Variants in TENT2 observed in about 807,000 individuals in gnomAD.
TENT2 encodes the protein poly(A) RNA polymerase GLD2.
In TENT2, 44 loss-of-function variants were observed where a neutral mutation model predicts 72.2. The ratio of observed to expected loss-of-function variants is 0.61; its 90% CI spans 0.48 to 0.78. TENT2 has a LOEUF of 0.78. TENT2 is among the 30% of genes least tolerant of loss of function. TENT2 has a pLI of 0.00. For missense variants in TENT2, 541 were observed against 569.6 expected (o/e 0.95, Z 0.51); for synonymous variants, 212 against 192.5 (o/e 1.10, Z -0.84).
chr5:79,633,075 T>C (rs1776837404), intron 4 of TENT2, among the ~76,000 whole-genome samples: 1 of 152,188 alleles, frequency 6.6e-6, no homozygotes, highest in South Asian at 2.1e-4. Context: ...GTTTTAGGCA[T>C]GACATTTTTC....
intron 4 of TENT2, among the ~76,000 whole-genome samples, chr5:79,640,042 A>G (rs1029409872): frequency 1.3e-5 from 2 of 152,074 alleles, no homozygotes; most frequent in Non-Finnish European, 2.9e-5. Flanking sequence ...AGATCACTTG[A>G]GGTCAGGGGT....
At position 79,618,683 on chromosome 5, in the gene TENT2, T is replaced by C. The variant is rs920753665; in HGVS notation, c.-37-929T>C. Among the ~76,000 whole-genome samples, 6 of 152,272 alleles carry C rather than the reference T, an allele frequency of 3.9e-5. No homozygotes were observed. The South Asian group carries it at 6.2e-4, about 16-fold the overall frequency. On this transcript the variant is annotated intron_variant, in intron 1 of 14. Coordinates refer to ENST00000453514, the MANE Select transcript of TENT2 (RefSeq NM_001114394.3). ...CTTCTGGTGATCCATGGATGCCTAT[T>C]TTAAGTGAGAATATCAGGAGTCTAA...
intron 10 of TENT2, among the ~76,000 whole-genome samples, 196 bp downstream of exon 10, chr5:79,649,386 G>GT (rs372101489): frequency 0.18 from 24,524 of 138,110 alleles, 3,246 homozygotes; most frequent in African/African-American, 0.37. Context: ...AAGTTTCACT[G>GT]TTTTTTTTTT....
In TENT2 at chr5:79,670,311, T is replaced by TTTTA. The variant is rs554958818; in HGVS notation, c.1208+1307_1208+1310dup. On this transcript the variant is annotated intron_variant, in intron 12 of 14. Transcript: ENST00000453514. ...TGGAGAAGTATAAAAAGGTAAGAGC[T>TTTTA]TTTATTTATTTATTTATTTATTTAT... is the stretch of plus-strand genomic sequence containing the variant. 9.6e-3 allele frequency among the ~76,000 whole-genome samples: 1,459 copies of TTTTA among 151,880 alleles called. 15 individuals are homozygous for TTTTA. Among genetic ancestry groups the TTTTA allele is most frequent in the African/African-American group, 0.03 (1,263 of 41,416 alleles).
In TENT2 at chr5:79,620,090, A is replaced by G. The variant is rs1462824047; in HGVS notation, c.227+7A>G. The stretch of plus-strand genomic sequence containing the variant: ...CATTATTTCGAGGAAGGAAGTAAGT[A>G]CTTCTTAATTATTTTAAAAGAATAT... On this transcript the variant is annotated splice_region_variant and intron_variant, in intron 3 of 14. Transcript: ENST00000453514. 6.4e-7 allele frequency: 1 copy of G among 1,562,152 alleles called. No homozygotes were observed. The highest frequency in any genetic ancestry group is 8.8e-7 in the Non-Finnish European group (1 of 1,136,520).
chr5:79,637,451 A>G (rs539366891), intron 4 of TENT2, among the ~76,000 whole-genome samples: 315 of 152,010 alleles, frequency 2.1e-3, no homozygotes, highest in Non-Finnish European at 2.4e-3. Flanking sequence ...TTTTGAGACA[A>G]GGTCTCCCTC....
chr5:79,624,193 A>C (rs1306283078), intron 4 of TENT2, among the ~76,000 whole-genome samples: 3 of 152,078 alleles, frequency 2.0e-5, no homozygotes, highest in African/African-American at 7.2e-5. Flanking sequence ...CTGTTTTTGC[A>C]TTTTCAAAGC....
chr5:79,620,386 A>C (rs943311226), intron 3 of TENT2, among the ~76,000 whole-genome samples: 1 of 152,060 alleles, frequency 6.6e-6, no homozygotes, highest in Non-Finnish European at 1.5e-5. Context: ...CCACTTTTTA[A>C]TTGAGATTTT....
At chr5:79,624,338 T>G (rs1767597421) in intron 4 of TENT2, among the ~76,000 whole-genome samples, 1 of 152,198 alleles carries the variant, frequency 6.6e-6, no homozygotes, top group Non-Finnish European at 1.5e-5. Context: ...TGTACAGAAA[T>G]GTTGGGTCAG....
At chr5:79,633,432 GTTT>G (rs539713889) in intron 4 of TENT2, among the ~76,000 whole-genome samples, 3 of 80,350 alleles carry the variant, frequency 3.7e-5, no homozygotes, top group African/African-American at 4.9e-5. Flanking sequence ...CAGCTAAAAA[GTTT>G]TTTTTTTTTT....
intron 12 of TENT2, among the ~76,000 whole-genome samples, chr5:79,672,803 C>G (rs1050129159): frequency 2.6e-5 from 4 of 152,134 alleles, no homozygotes; most frequent in Non-Finnish European, 5.9e-5. Flanking sequence ...TCCTGATTTT[C>G]TTTCATTTGG....
rs765228057 is a variant in TENT2, at chr5:79,648,636, A to C, written c.841A>C (p.Asn281His). Reference protein sequence around the residue: ...DKVSCVEFDLNVNNIVGIRNT... With the variant: ...DKVSCVEFDLHVNNIVGIRNT... The stretch of plus-strand genomic sequence containing the variant: ...AAATAGTTGTGTGGAGTTTGACTTG[A>C]ATGTAAACAATATTGTTGGAATAAG... Residue 281 changes from asparagine to histidine, a missense_variant, in exon 9 of 15, where the codon AAT (asparagine) becomes CAT (histidine). By Grantham distance (68) the Asn-to-His change is moderately conservative. Coordinates refer to ENST00000453514, the MANE Select transcript of TENT2 (RefSeq NM_001114394.3). The C allele has an allele frequency of 6.3e-7, 1 of 1,590,018 alleles. No homozygotes were observed.
Position 79,658,544 on chromosome 5 carries a change from G to C in TENT2, c.1071+1543G>C, listed in dbSNP as rs922405256. Among the ~76,000 whole-genome samples, 3 of 151,966 alleles carry C rather than the reference G, an allele frequency of 2.0e-5. No individual in the cohort carries two copies. The East Asian group carries it at 5.8e-4, about 29-fold the overall frequency. ...CTCTCCATAAAGTATTGACTCTCTT[G>C]TTTGTACTGAAAGGTCATATTTCAT... is the stretch of plus-strand genomic sequence containing the variant. On this transcript the variant is annotated intron_variant, in intron 11 of 14. Transcript: ENST00000453514.
At chr5:79,659,531 CAAA>C (rs1291285987) in intron 11 of TENT2, among the ~76,000 whole-genome samples, 18 of 8,976 alleles carry the variant, frequency 2.0e-3, no homozygotes, top group Admixed American at 0.013. Context: ...GACTCTGTCT[CAAA>C]AAAAAAAAAA....
At chr5:79,678,398 G>C (rs945368218) in intron 12 of TENT2, among the ~76,000 whole-genome samples, 35 of 151,976 alleles carry the variant, frequency 2.3e-4, no homozygotes, top group African/African-American at 7.7e-4. Flanking sequence ...TTCTCTGCTT[G>C]CTTAAATGGT....
At chr5:79,627,735 T>A (rs186327239) in intron 4 of TENT2, among the ~76,000 whole-genome samples, 1 of 152,324 alleles carries the variant, frequency 6.6e-6, no homozygotes, top group East Asian at 1.9e-4. Context: ...ACCACCCGCC[T>A]CAGCTTCCCA....
chr5:79,677,853 G>A (rs1300785464), intron 12 of TENT2, among the ~76,000 whole-genome samples: 1 of 152,140 alleles, frequency 6.6e-6, no homozygotes, highest in Non-Finnish European at 1.5e-5. Flanking sequence ...AGGCTGGAGT[G>A]CAGTGGCACG....
chr5:79,670,590 T>C (rs1251646704), intron 12 of TENT2, among the ~76,000 whole-genome samples: 1 of 152,014 alleles, frequency 6.6e-6, no homozygotes, highest in East Asian at 1.9e-4. Context: ...CCCAAAGTGC[T>C]GGGATTACAG....
At chr5:79,624,931 A>G (rs1027041961) in intron 4 of TENT2, among the ~76,000 whole-genome samples, 6 of 152,200 alleles carry the variant, frequency 3.9e-5, no homozygotes, top group Non-Finnish European at 5.9e-5. Flanking sequence ...TTGCTTGGTC[A>G]TATGGTAGCT....
Sources: gnomAD v4.1 joint callset for allele counts (sites outside exome capture counted in the v4.1 genomes callset) on GRCh38, gnomAD v4.1.1 for gene constraint, MANE v1.5 for transcripts, NCBI Gene and HGNC (gene_info 2026-07-23, HGNC 2026-07-21) for gene names.